Variants in LYRM4 observed in about 807,000 individuals in gnomAD.
The protein encoded by LYRM4 is LYR motif containing 4, also known as LYR motif-containing protein 4.
Under a neutral mutation model 11.7 loss-of-function variants are expected in LYRM4, and 9 were observed. The observed-to-expected ratio is 0.77, with a 90% CI of 0.46 to 1.34. The LOEUF is 1.34. Ranked by LOEUF, LYRM4 falls within the 40% of genes most tolerant of loss-of-function variation. LYRM4 has a pLI of 0.00. For synonymous variants in LYRM4, 42 were observed against 40.4 expected (o/e 1.04, Z -0.15); for missense variants, 133 against 112.5 (o/e 1.18, Z -0.82).
At chr6:5,227,450 A>C (rs1199714114) in intron 1 of LYRM4, among the ~76,000 whole-genome samples, 2 of 152,212 alleles carry the variant, frequency 1.3e-5, no homozygotes, top group Non-Finnish European at 2.9e-5. Flanking sequence ...TAAGATTGTT[A>C]GGATGTCAGT....
At chr6:5,051,505 G>T in the LYRM4 span, among the ~76,000 whole-genome samples, 37 of 152,332 alleles carry the variant, frequency 2.4e-4, no homozygotes, top group Admixed American at 2.4e-3. Context: ...CCAGAAGGCA[G>T]TGAGTTGATA....
At chr6:5,236,732 G>T (rs1427826599) in intron 1 of LYRM4, among the ~76,000 whole-genome samples, 1 of 151,340 alleles carries the variant, frequency 6.6e-6, no homozygotes, top group African/African-American at 2.4e-5. Context: ...AGGATTGCTT[G>T]AGCCCAGGAG....
chr6:5,040,081 A>C, the LYRM4 span, among the ~76,000 whole-genome samples: 1 of 152,204 alleles, frequency 6.6e-6, no homozygotes, highest in Non-Finnish European at 1.5e-5. Context: ...ATCCTAAACT[A>C]TCCACAAAAA....
At chr6:5,221,370 A>C (rs1165743991) in intron 1 of LYRM4, among the ~76,000 whole-genome samples, 2 of 152,272 alleles carry the variant, frequency 1.3e-5, no homozygotes, top group Non-Finnish European at 2.9e-5. Flanking sequence ...TGTCAACTAA[A>C]ATATAGACTC....
chr6:5,237,226 G>A (rs1392068989), intron 1 of LYRM4, among the ~76,000 whole-genome samples: 1 of 152,110 alleles, frequency 6.6e-6, no homozygotes, highest in Non-Finnish European at 1.5e-5. Flanking sequence ...ACTCCCCATC[G>A]CTCACAATAC....
intron 1 of LYRM4, among the ~76,000 whole-genome samples, chr6:5,245,720 A>G (rs1764166761): frequency 1.3e-5 from 2 of 152,226 alleles, no homozygotes; most frequent in Non-Finnish European, 2.9e-5. Context: ...AAATAAATGT[A>G]CAATTACAAG....
chr6:5,239,480 T>C (rs1884976), intron 1 of LYRM4, among the ~76,000 whole-genome samples: 47,592 of 151,486 alleles, frequency 0.31, 7,758 homozygotes, highest in African/African-American at 0.41. Flanking sequence ...GAGCCATGAG[T>C]TGTGGGCATC....
intron 1 of LYRM4, among the ~76,000 whole-genome samples, chr6:5,231,886 A>T (rs1763262942): frequency 6.6e-6 from 1 of 152,220 alleles, no homozygotes; most frequent in South Asian, 2.1e-4. Flanking sequence ...CATGCATTAC[A>T]TAATTTATTT....
At chr6:5,247,219 T>C (rs72813619) in intron 1 of LYRM4, among the ~76,000 whole-genome samples, 2,650 of 152,294 alleles carry the variant, frequency 0.017, 43 homozygotes, top group South Asian at 0.033. Context: ...GCTCACTATG[T>C]TAATGTCCCC....
chr6:5,200,624 T>A (rs565598209), intron 2 of LYRM4, among the ~76,000 whole-genome samples: 2 of 152,328 alleles, frequency 1.3e-5, no homozygotes, highest in African/African-American at 4.8e-5. Context: ...AAAGACAGCT[T>A]GCCCGGAGAC....
the LYRM4 span, among the ~76,000 whole-genome samples, chr6:5,048,402 A>G: frequency 7.9e-5 from 12 of 151,120 alleles, no homozygotes; most frequent in Non-Finnish European, 1.6e-4. Flanking sequence ...GAAACCTCCA[A>G]TTCCTGGGCT....
At chr6:5,099,446 C>T (rs1762437097), downstream of LYRM4, among the ~76,000 whole-genome samples, 1 of 137,818 alleles carries the variant, frequency 7.3e-6, no homozygotes, top group African/African-American at 2.7e-5. The surrounding 1 kb of genome is among the most constrained non-coding windows in gnomAD (Gnocchi z 4.3). Flanking sequence ...AGCGATGAGG[C>T]CTCACTATAT....
At chr6:5,124,073 G>T (rs972245464) in intron 2 of LYRM4, among the ~76,000 whole-genome samples, 4 of 152,124 alleles carry the variant, frequency 2.6e-5, no homozygotes, top group African/African-American at 7.2e-5. Context: ...GCGGGCACAC[G>T]CTCTCTCTTA....
chr6:5,211,375 G>A (rs1438525889), intron 2 of LYRM4, among the ~76,000 whole-genome samples: 1 of 152,118 alleles, frequency 6.6e-6, no homozygotes, highest in Admixed American at 6.5e-5. Context: ...TGGTTTCAGA[G>A]ACTCAACTAC....
the LYRM4 span, among the ~76,000 whole-genome samples, chr6:5,080,560 G>A: frequency 5.9e-5 from 9 of 152,118 alleles, no homozygotes; most frequent in South Asian, 8.3e-4. Context: ...TTTTGGTGTC[G>A]AGCATCCGAA....
intron 2 of LYRM4, among the ~76,000 whole-genome samples, chr6:5,118,079 A>AATATATATAT (rs113661997): frequency 3.2e-3 from 131 of 40,352 alleles, no homozygotes; most frequent in African/African-American, 8.2e-3. Context: ...TCACCAAAAC[A>AATATATATAT]ATATATATAT....
At chr6:5,245,102 AAAAAAAAAAAAATATATATATATATATAT>A (rs1764088217) in intron 1 of LYRM4, among the ~76,000 whole-genome samples, 8 of 56,512 alleles carry the variant, frequency 1.4e-4, no homozygotes, top group Admixed American at 2.2e-4. Context: ...AAAAAAAAAA[AAAAAAAAAAAAATATATATATATATATAT>A]ATATATATAT....
intron 2 of LYRM4, among the ~76,000 whole-genome samples, chr6:5,129,221 GT>G (rs946675732): frequency 4.2e-4 from 64 of 152,294 alleles, no homozygotes; most frequent in African/African-American, 1.4e-3. Flanking sequence ...GACAACCCAG[GT>G]TTCTCCAAAG....
At chr6:5,119,618 C>T (rs187339782) in intron 2 of LYRM4, among the ~76,000 whole-genome samples, 4 of 151,832 alleles carry the variant, frequency 2.6e-5, no homozygotes, top group African/African-American at 4.8e-5. Flanking sequence ...AAGACCCCGT[C>T]GCTACTAAAA....
Sources: gnomAD v4.1 joint callset for allele counts (sites outside exome capture counted in the v4.1 genomes callset) on GRCh38, gnomAD v4.1.1 for gene constraint, Gnocchi (gnomAD v3.1) non-coding constraint, MANE v1.5 for transcripts, NCBI Gene and HGNC (gene_info 2026-07-23, HGNC 2026-07-21) for gene names.